ZNF782: variants seen among roughly 807,000 people sequenced by gnomAD.
ZNF782 encodes the protein zinc finger protein 782.
ZNF782 carries 12 observed loss-of-function variants against 13.0 expected under a neutral mutation model. That is an observed-to-expected ratio of 0.92 (90% CI 0.59 to 1.50). The LOEUF (loss-of-function observed/expected upper bound fraction) is 1.50. Among genes scored for constraint, ZNF782 ranks in the 40% most tolerant of loss-of-function variants. The pLI, the probability that ZNF782 is intolerant of heterozygous loss-of-function variation, is 0.00. For synonymous variants in ZNF782, 284 were observed against 283.0 expected (o/e 1.00, Z -0.04); for missense variants, 770 against 822.9 (o/e 0.94, Z 0.79).
chr9:96,911,519 T>C, the ZNF782 span, among the ~76,000 whole-genome samples: 11 of 146,218 alleles, frequency 7.5e-5, no homozygotes, highest in East Asian at 2.4e-3. Flanking sequence ...TGTTTTTGTT[T>C]TGTTTTGTTT....
At chr9:96,845,659 G>A (rs1851323533) in intron 3 of ZNF782, among the ~76,000 whole-genome samples, 1 of 152,032 alleles carries the variant, frequency 6.6e-6, no homozygotes, top group African/African-American at 2.4e-5. Context: ...TCAGAAAAAA[G>A]AATAAAAAGA....
chr9:96,817,748 T>C lies in ZNF782; in HGVS notation c.*175A>G. ...TGGGCTCTGGCTGAAAGAATGCCCA[T>C]ATAAAATAGATTTCAACAATTTATC... On this transcript the variant is annotated 3_prime_UTR_variant, in exon 6 of 6. Transcript: ENST00000481138. 3.5e-6 allele frequency: 2 copies of C among 569,790 alleles called. No individual in the cohort carries two copies. Among genetic ancestry groups the C allele is most frequent in the South Asian group, 7.0e-5 (2 of 28,718 alleles). 35.3% of individuals were successfully genotyped at this position (569,790 alleles called of 1,614,324 possible).
chr9:96,816,531 T>C lies in ZNF782; in HGVS notation c.*1392A>G. The C allele has an allele frequency of 6.6e-6, 1 of 152,334 alleles. No homozygotes were observed. The highest frequency in any genetic ancestry group is 1.9e-4 in the East Asian group (1 of 5,192). The allele number at this position is 152,334 out of a possible 1,614,324, so 9.4% of individuals were successfully genotyped here. A position where few individuals can be genotyped will look rare whatever the true frequency, so the allele number is the denominator to read the frequency against. Reference sequence around the variant, plus strand: ...TAAGCTTTTTATTATAGTGAATGTCTTATATTTCATTAAAAGTTTTGATAT... The same window carrying C: ...TAAGCTTTTTATTATAGTGAATGTCCTATATTTCATTAAAAGTTTTGATAT... On this transcript the variant is annotated 3_prime_UTR_variant, in exon 6 of 6. Transcript: ENST00000481138.
chr9:96,886,141 C>A, the ZNF782 span, among the ~76,000 whole-genome samples: 39 of 151,926 alleles, frequency 2.6e-4, no homozygotes, highest in East Asian at 1.9e-4. Context: ...AGCTATCACA[C>A]CTGGCCCAAC....
In ZNF782 at chr9:96,875,507, C is replaced by T. The variant is rs1286992553; in HGVS notation, c.-496G>A. ...GAATTTATGCAGCTCTTTCGGTCTC[C>T]ACAGCTCGGGGTCTTGCCACAGACA... On this transcript the variant is annotated 5_prime_UTR_variant, in exon 1 of 6. Coordinates refer to the ZNF782 transcript ENST00000498811. 4 of 456,756 alleles carry T rather than the reference C, an allele frequency of 8.8e-6. No homozygotes were observed. The Admixed American group carries it at 9.4e-5, about 11-fold the overall frequency. 28.3% of individuals were successfully genotyped at this position (456,756 alleles called of 1,614,324 possible).
chr9:96,868,437 C>A (rs983962574), intron 1 of ZNF782, among the ~76,000 whole-genome samples: 1 of 152,176 alleles, frequency 6.6e-6, no homozygotes, highest in Non-Finnish European at 1.5e-5. Context: ...ATTTCAGAAA[C>A]GAGTTCTTGT....
Position 96,817,844 on chromosome 9 carries a change from C to T in ZNF782, c.*79G>A. The T allele has an allele frequency of 1.6e-6, 2 of 1,282,580 alleles. No homozygotes were observed. The highest frequency in any genetic ancestry group is 2.1e-6 in the Non-Finnish European group (2 of 932,238). 79.4% of individuals were successfully genotyped at this position (1,282,580 alleles called of 1,614,324 possible). ...TCCAGTGCTCACTATGTTAACAGTT[C>T]TCTCCTGTGTGTTCATTTATGTATT... On this transcript the variant is annotated 3_prime_UTR_variant, in exon 6 of 6. Coordinates refer to ENST00000481138, the MANE Select transcript of ZNF782 (RefSeq NM_001001662.3).
intron 4 of ZNF782, among the ~76,000 whole-genome samples, chr9:96,829,199 A>G (rs1284156279): frequency 6.6e-6 from 1 of 151,838 alleles, no homozygotes; most frequent in East Asian, 1.9e-4. Flanking sequence ...TCTGATTTAT[A>G]TAAAAAAATT....
intron 1 of ZNF782, among the ~76,000 whole-genome samples, chr9:96,874,701 G>A (rs1851871723): frequency 6.6e-6 from 1 of 152,228 alleles, no homozygotes; most frequent in Admixed American, 6.5e-5. Context: ...AGAGTGGTAA[G>A]GTCAGAGGGG....
At chr9:96,831,229 A>G (rs1850789639) in intron 4 of ZNF782, among the ~76,000 whole-genome samples, 1 of 152,200 alleles carries the variant, frequency 6.6e-6, no homozygotes, top group Non-Finnish European at 1.5e-5. Context: ...GGTAGGACAA[A>G]GCTCTTTGTG....
In ZNF782 at chr9:96,819,407, GA is replaced by G. The variant is rs1358266904; in HGVS notation, c.615del (p.Gln206ArgfsTer59). ...TCTTGCCCCAGAGTCTGAATTGTCT[GA>G]TGTTGAATAACTTCCTCCTTATGAT... ...TLHHKEEVIQHQTIQTLGQDF... is the reference protein window; with the variant it reads ...TLHHKEEVIQXQTIQTLGQDF... On this transcript the variant is annotated frameshift_variant, in exon 6 of 6. Coordinates refer to ENST00000481138, the MANE Select transcript of ZNF782 (RefSeq NM_001001662.3). LOFTEE classifies it low-confidence loss of function (END_TRUNC). 2 of 1,609,774 alleles carry G rather than the reference GA, an allele frequency of 1.2e-6. No individual in the cohort carries two copies. Among genetic ancestry groups the G allele is most frequent in the Non-Finnish European group, 1.7e-6 (2 of 1,178,916 alleles).
upstream of ZNF782, among the ~76,000 whole-genome samples, chr9:96,854,924 A>G (rs1199322588): frequency 6.6e-6 from 1 of 152,056 alleles, no homozygotes; most frequent in African/African-American, 2.4e-5. Context: ...TTTTTTTTAA[A>G]AAAAGGGATC....
the ZNF782 span, among the ~76,000 whole-genome samples, chr9:96,901,492 A>G: frequency 2.8e-4 from 42 of 151,544 alleles, no homozygotes; most frequent in African/African-American, 1.0e-3. Flanking sequence ...GGCTGGTCTC[A>G]AACTCCTGAC....
At chr9:96,823,252 A>G (rs1850486441) in intron 5 of ZNF782, among the ~76,000 whole-genome samples, 2 of 152,238 alleles carry the variant, frequency 1.3e-5, no homozygotes. Flanking sequence ...CAAAATAGGC[A>G]GCAGGTAGAA....
chr9:96,905,622 G>C, the ZNF782 span, among the ~76,000 whole-genome samples: 3 of 151,454 alleles, frequency 2.0e-5, no homozygotes, highest in Non-Finnish European at 4.4e-5. Context: ...CTGTCACCTA[G>C]GCTGGAGTGC....
the ZNF782 span, among the ~76,000 whole-genome samples, chr9:96,912,314 C>T: frequency 2.7e-4 from 39 of 142,076 alleles, no homozygotes; most frequent in African/African-American, 8.7e-4. Context: ...ATCATGAGGT[C>T]GGGAGTTCGA....
At chr9:96,901,517 C>T in the ZNF782 span, among the ~76,000 whole-genome samples, 2 of 151,772 alleles carry the variant, frequency 1.3e-5, no homozygotes, top group Non-Finnish European at 2.9e-5. Context: ...GGAGATCCTC[C>T]CACCTCGGCC....
rs554066023 is a variant in ZNF782 at position 96,821,921 on chromosome 9, T to C, written c.245-2143A>G. ...CCTCGTGATCTGCCCACCTTAGCCT[T>C]CCAAAGTGCTGGGATTACAGGCGTA... On this transcript the variant is annotated intron_variant, in intron 5 of 5. Coordinates refer to ENST00000481138, the MANE Select transcript of ZNF782 (RefSeq NM_001001662.3). Among the ~76,000 whole-genome samples, 6 of 152,268 alleles carry C rather than the reference T, an allele frequency of 3.9e-5. 1 individual carries two copies. The highest frequency in any genetic ancestry group is 1.4e-4 in the African/African-American group (6 of 41,564).
upstream of ZNF782, among the ~76,000 whole-genome samples, chr9:96,857,626 A>G (rs1164409790): frequency 6.6e-6 from 1 of 152,216 alleles, no homozygotes; most frequent in African/African-American, 2.4e-5. Context: ...CTTGCTGTGG[A>G]GCGATGACCA....
Sources: gnomAD v4.1 joint callset for allele counts (sites outside exome capture counted in the v4.1 genomes callset) on GRCh38, gnomAD v4.1.1 for gene constraint, MANE v1.5 for transcripts, NCBI Gene and HGNC (gene_info 2026-07-23, HGNC 2026-07-21) for gene names.